The following KIF6 variants were observed in gnomAD, a reference collection of about 807,000 sequenced individuals.
KIF6 encodes kinesin family member 6, also known as kinesin-like protein KIF6.
KIF6 carries 106 observed loss-of-function variants against 112.7 expected under a neutral mutation model. The ratio of observed to expected loss-of-function variants is 0.94; its 90% CI spans 0.80 to 1.11. The LOEUF is 1.11. Ranked by LOEUF, KIF6 falls within the 50% of genes least tolerant of loss-of-function variation. The pLI is 0.00. For missense variants in KIF6, 929 were observed against 964.0 expected, an observed-to-expected ratio of 0.96 and a Z score of 0.48; for synonymous variants, 339 against 339.9, an observed-to-expected ratio of 1.00 and a Z score of 0.03.
At chr6:39,655,569 CTTAA>C (rs1157312327) in intron 3 of KIF6, among the ~76,000 whole-genome samples, 1 of 151,846 alleles carries the variant, frequency 6.6e-6, no homozygotes, top group African/African-American at 2.4e-5. Context: ...TTATTGTTTT[CTTAA>C]TTATTTAACT....
At position 39,335,867 on chromosome 6, in the gene KIF6, C is replaced by T. The variant is rs117842239; in HGVS notation, c.*665G>A. 1 of 152,542 alleles carries T rather than the reference C, an allele frequency of 6.6e-6. No individual in the cohort carries two copies. Among genetic ancestry groups the T allele is most frequent in the East Asian group, 1.9e-4 (1 of 5,180 alleles). The allele number at this position is 152,542 out of a possible 1,614,324, so 9.4% of individuals were successfully genotyped here. A position where few individuals can be genotyped will look rare whatever the true frequency, so the allele number is the denominator to read the frequency against. ...GCCCCTGGGAGCTGCCCACTGTTCT[C>T]TGGGTGCTATGATGTCCTTAGACCC... On this transcript the variant is annotated 3_prime_UTR_variant, in exon 23 of 23. Transcript: ENST00000287152.
At chr6:39,465,619 A>G (rs984673742) in intron 13 of KIF6, among the ~76,000 whole-genome samples, 2 of 152,122 alleles carry the variant, frequency 1.3e-5, no homozygotes, top group Non-Finnish European at 2.9e-5. Context: ...CATCCTTCCA[A>G]AATAAATCTG....
At chr6:39,622,022 A>T (rs1410381494) in intron 5 of KIF6, among the ~76,000 whole-genome samples, 1 of 151,700 alleles carries the variant, frequency 6.6e-6, no homozygotes, top group Non-Finnish European at 1.5e-5. Context: ...CAAAAATTAG[A>T]CGGGTGGGGC....
intron 3 of KIF6, among the ~76,000 whole-genome samples, chr6:39,645,898 C>T (rs985207210): frequency 3.3e-5 from 5 of 151,860 alleles, no homozygotes; most frequent in African/African-American, 1.2e-4. Flanking sequence ...CATGTCCTCA[C>T]TCATAGGTGG....
intron 10 of KIF6, among the ~76,000 whole-genome samples, chr6:39,552,193 C>T (rs1022072387): frequency 1.3e-5 from 2 of 152,188 alleles, no homozygotes; most frequent in African/African-American, 4.8e-5. Flanking sequence ...GAAGGAGGAA[C>T]TAACATCCCT....
intron 14 of KIF6, among the ~76,000 whole-genome samples, chr6:39,430,024 G>C (rs996936621): frequency 1.3e-5 from 2 of 152,140 alleles, no homozygotes; most frequent in South Asian, 2.1e-4. Flanking sequence ...CAAAATCTCT[G>C]TACACTTCCC....
chr6:39,342,052 T>G lies in KIF6; in HGVS notation c.2428+1657A>C, dbSNP rs1182476367. Among the ~76,000 whole-genome samples the G allele has an allele frequency of 6.6e-6, 1 of 152,224 alleles. No homozygotes were observed. The highest frequency in any genetic ancestry group is 2.4e-5 in the African/African-American group (1 of 41,460). On this transcript the variant is annotated intron_variant, in intron 22 of 22. Coordinates refer to ENST00000287152, the MANE Select transcript of KIF6 (RefSeq NM_145027.6). This position sits in a 1 kb window ranked among gnomAD's most constrained non-coding sequence, Gnocchi z 4.7. ...CTTTCCCCTGTGCATAAGGCTGGTG[T>G]GACTTGGCCCTTGTGCTCTTGCTCC...
Position 39,690,895 on chromosome 6 carries a change from G to A in KIF6, c.251+23797C>T, listed in dbSNP as rs560779945. The stretch of plus-strand genomic sequence containing the variant: ...CTCTGCGTAGTTCAGTGCACTGATG[G>A]AGATGTGAACTTCAGCAAAGGAAAT... On this transcript the variant is annotated intron_variant, in intron 3 of 22. Coordinates refer to ENST00000287152, the MANE Select transcript of KIF6 (RefSeq NM_145027.6). 3 of 152,334 alleles carry A rather than the reference G, an allele frequency of 2.0e-5. No individual in the cohort carries two copies. In the South Asian group the frequency reaches 6.2e-4, roughly 32 times the overall value. The allele number at this position is 152,334 out of a possible 1,614,324, so 9.4% of individuals were successfully genotyped here.
chr6:39,402,571 T>C (rs752008898), intron 15 of KIF6, among the ~76,000 whole-genome samples: 1 of 152,094 alleles, frequency 6.6e-6, no homozygotes, highest in Non-Finnish European at 1.5e-5. Flanking sequence ...GAAGGGAAAA[T>C]TGCACTGCAA....
chr6:39,511,618 T>C (rs571442489), intron 13 of KIF6, among the ~76,000 whole-genome samples: 15 of 152,358 alleles, frequency 9.8e-5, no homozygotes, highest in Non-Finnish European at 1.6e-4. Context: ...TTATAAATCA[T>C]GCTACTATAA....
intron 18 of KIF6, among the ~76,000 whole-genome samples, chr6:39,359,826 T>C (rs1410296867): frequency 6.6e-6 from 1 of 152,216 alleles, no homozygotes; most frequent in African/African-American, 2.4e-5. Context: ...CTTGAACTCC[T>C]GGGCTCAGGT....
intron 13 of KIF6, among the ~76,000 whole-genome samples, chr6:39,475,939 A>G (rs1774404206): frequency 6.6e-6 from 1 of 152,252 alleles, no homozygotes; most frequent in Admixed American, 6.5e-5. Context: ...TTAGCAAACT[A>G]ACACAGGAAC....
At chr6:39,584,300 T>C (rs1781474819) in intron 9 of KIF6, among the ~76,000 whole-genome samples, 1 of 150,576 alleles carries the variant, frequency 6.6e-6, no homozygotes, top group Non-Finnish European at 1.5e-5. Flanking sequence ...GGCGTGTGTC[T>C]GTGGTCCCAG....
At chr6:39,452,098 T>G (rs1772735738) in intron 13 of KIF6, among the ~76,000 whole-genome samples, 1 of 152,152 alleles carries the variant, frequency 6.6e-6, no homozygotes, top group African/African-American at 2.4e-5. Context: ...TGGGCAACTG[T>G]TTTTGCTGCT....
intron 17 of KIF6, among the ~76,000 whole-genome samples, chr6:39,361,951 G>A (rs1296408669): frequency 6.6e-6 from 1 of 152,206 alleles, no homozygotes; most frequent in African/African-American, 2.4e-5. Context: ...CAATGAATGA[G>A]TGGATGCAGC....
At chr6:39,359,025 T>C (rs140355945) in intron 18 of KIF6, among the ~76,000 whole-genome samples, 1 of 152,342 alleles carries the variant, frequency 6.6e-6, no homozygotes, top group Admixed American at 6.5e-5. Context: ...TCTAACTAGT[T>C]TTCTTTGTTA....
intron 5 of KIF6, among the ~76,000 whole-genome samples, chr6:39,632,319 G>C (rs1420799870): frequency 1.3e-5 from 2 of 152,146 alleles, no homozygotes; most frequent in Admixed American, 6.6e-5. Context: ...ACCCTGAGTT[G>C]ATTTTATATA....
Position 39,429,685 on chromosome 6 carries a change from G to A in KIF6, c.1754+1368C>T, listed in dbSNP as rs950507536. Among the ~76,000 whole-genome samples, 38 of 152,274 alleles carry A rather than the reference G, an allele frequency of 2.5e-4. 1 individual carries two copies. In the South Asian group the frequency reaches 2.9e-3, roughly 12 times the overall value. Reference sequence around the variant, plus strand: ...AGCACTTTGGGAGGCCAAGGTGGGCGGAACACGAGGTCAGCAGATGAGACC... The same window carrying A: ...AGCACTTTGGGAGGCCAAGGTGGGCAGAACACGAGGTCAGCAGATGAGACC... On this transcript the variant is annotated intron_variant, in intron 14 of 22. Coordinates refer to ENST00000287152, the MANE Select transcript of KIF6 (RefSeq NM_145027.6).
intron 19 of KIF6, among the ~76,000 whole-genome samples, chr6:39,349,328 G>A (rs1764032498): frequency 6.6e-6 from 1 of 152,112 alleles, no homozygotes; most frequent in Admixed American, 6.5e-5. Context: ...ATTCCACCAT[G>A]GACTCTCTCG....
Sources: gnomAD v4.1 joint callset for allele counts (sites outside exome capture counted in the v4.1 genomes callset) on GRCh38, gnomAD v4.1.1 for gene constraint, Gnocchi (gnomAD v3.1) non-coding constraint, MANE v1.5 for transcripts, NCBI Gene and HGNC (gene_info 2026-07-23, HGNC 2026-07-21) for gene names.